The following MAP2K1 variants were observed in gnomAD, a reference collection of about 807,000 sequenced individuals.
MAP2K1 encodes the protein dual specificity mitogen-activated protein kinase kinase 1.
In MAP2K1, 16 loss-of-function variants were observed where a neutral mutation model predicts 46.3. The observed-to-expected ratio is 0.35, with a 90% CI of 0.23 to 0.52. The LOEUF is 0.52. MAP2K1 is among the 20% of genes least tolerant of loss of function. The pLI is 0.94. For synonymous variants in MAP2K1, 183 were observed against 185.6 expected (o/e 0.99, Z 0.11); for missense variants, 263 against 497.1 (o/e 0.53, Z 4.48).
chr15:66,464,425 C>T (rs1892409505), intron 5 of MAP2K1, among the ~76,000 whole-genome samples: 1 of 152,180 alleles, frequency 6.6e-6, no homozygotes. Flanking sequence ...TTGAAGTTGT[C>T]TAGCTTCGGT....
intron 1 of MAP2K1, among the ~76,000 whole-genome samples, chr15:66,428,403 G>A (rs1567006927): frequency 6.6e-6 from 1 of 151,370 alleles, no homozygotes; most frequent in Non-Finnish European, 1.5e-5. Context: ...AAATCTGCAG[G>A]GATAAGCCAG....
At chr15:66,432,959 AGTGTGTGTGTGTGTGT>A (rs1164509967) in intron 1 of MAP2K1, among the ~76,000 whole-genome samples, 27 of 131,902 alleles carry the variant, frequency 2.0e-4, no homozygotes, top group Non-Finnish European at 4.0e-4. Flanking sequence ...CATCATGCAC[AGTGTGTGTGTGTGTGT>A]GTGTGTGTGT....
rs991183872 is a variant in MAP2K1, at chr15:66,465,515, A to G, written c.569-16240A>G. ...CGATTAGGTCAGGGGTCAGTCTTTA[A>G]CTACCAGGCCCAGGGTGTGGCACCA... On this transcript the variant is annotated intron_variant, in intron 5 of 10. Coordinates refer to ENST00000307102, the MANE Select transcript of MAP2K1 (RefSeq NM_002755.4). Among the ~76,000 whole-genome samples the G allele has an allele frequency of 2.0e-5, 3 of 152,174 alleles. No individual in the cohort carries two copies. In the South Asian group the frequency reaches 6.2e-4, roughly 32 times the overall value.
intron 1 of MAP2K1, among the ~76,000 whole-genome samples, chr15:66,391,240 G>A (rs547194744): frequency 6.6e-6 from 1 of 152,064 alleles, no homozygotes; most frequent in African/African-American, 2.4e-5. Context: ...TTTCATTGGG[G>A]TGTTCTTAAT....
intron 1 of MAP2K1, among the ~76,000 whole-genome samples, chr15:66,431,480 TTAAAG>T (rs1468999480): frequency 1.3e-5 from 2 of 152,124 alleles, no homozygotes; most frequent in Non-Finnish European, 2.9e-5. Context: ...TTAAGAATAA[TTAAAG>T]GAAAGGCAGT....
intron 1 of MAP2K1, among the ~76,000 whole-genome samples, chr15:66,395,068 A>G (rs2093364418): frequency 6.6e-6 from 1 of 152,222 alleles, no homozygotes; most frequent in Non-Finnish European, 1.5e-5. Flanking sequence ...AAGGAAGAAG[A>G]TACTGTGGTA....
chr15:66,467,197 G>C (rs898308369), intron 5 of MAP2K1, among the ~76,000 whole-genome samples: 1 of 152,042 alleles, frequency 6.6e-6, no homozygotes. Flanking sequence ...TTGTGTCATT[G>C]CATTCCAGCC....
intron 8 of MAP2K1, 54 bp from the exon 9 acceptor site, chr15:66,489,161 A>G: frequency 7.1e-7 from 1 of 1,409,140 alleles, no homozygotes; most frequent in South Asian, 1.2e-5. Flanking sequence ...TGGGGAGAGG[A>G]GATGGCTGGA....
intron 1 of MAP2K1, among the ~76,000 whole-genome samples, chr15:66,411,967 T>A (rs929709585): frequency 6.6e-6 from 1 of 152,222 alleles, no homozygotes; most frequent in Non-Finnish European, 1.5e-5. Flanking sequence ...AATAGAGGGC[T>A]CCAGACCCTC....
chr15:66,443,596 C>T (rs1343703076), intron 4 of MAP2K1, among the ~76,000 whole-genome samples: 1 of 152,000 alleles, frequency 6.6e-6, no homozygotes, highest in African/African-American at 2.4e-5. Context: ...ACGGGCCAGG[C>T]ACAGTGGCTC....
chr15:66,484,941 A>G, intron 6 of MAP2K1, 49 bp from the exon 7 acceptor site: 1 of 1,487,532 alleles, frequency 6.7e-7, no homozygotes, highest in Non-Finnish European at 9.4e-7. Context: ...TAGCAGACCC[A>G]GGGGTCCAAG....
At chr15:66,418,607 C>T (rs1010607648) in intron 1 of MAP2K1, among the ~76,000 whole-genome samples, 1 of 152,148 alleles carries the variant, frequency 6.6e-6, no homozygotes, top group Non-Finnish European at 1.5e-5. Flanking sequence ...CAGCCAGCCC[C>T]ACTGTTTAGT....
At position 66,435,257 on chromosome 15, in the gene MAP2K1, C is replaced by CCAATCACCA. The variant is rs761820718; in HGVS notation, c.291+20_291+21insCAATCACCA. ...AGAAAGGTGAGTTTGCCTTGATTAACAGGTAATTGGATTATTTCTCAGGGT... is the reference window on the plus strand; with the variant it reads ...AGAAAGGTGAGTTTGCCTTGATTAACCAATCACCAAGGTAATTGGATTATTTCTCAGGGT... On this transcript the variant is annotated intron_variant, in intron 2 of 10. Transcript: ENST00000307102. 330 of 1,602,174 alleles carry CCAATCACCA rather than the reference C, an allele frequency of 2.1e-4. 1 individual carries two copies. The highest frequency in any genetic ancestry group is 3.4e-5 in the Non-Finnish European group (40 of 1,169,230).
chr15:66,410,912 C>T (rs2093409789), intron 1 of MAP2K1, among the ~76,000 whole-genome samples: 2 of 152,130 alleles, frequency 1.3e-5, no homozygotes, highest in African/African-American at 2.4e-5. Flanking sequence ...AGAGTTCAGC[C>T]TTGATGTCCC....
intron 5 of MAP2K1, chr15:66,446,723 G>T: frequency 5.7e-6 from 2 of 350,614 alleles, no homozygotes; most frequent in South Asian, 5.0e-5. Flanking sequence ...TGCTCCCATT[G>T]GTTCCGGATA....
intron 5 of MAP2K1, among the ~76,000 whole-genome samples, chr15:66,476,164 T>G (rs1892750577): frequency 1.3e-5 from 2 of 152,242 alleles, no homozygotes; most frequent in Middle Eastern, 3.4e-3. Flanking sequence ...CAGCCTCCTG[T>G]GGGATTCCTA....
intron 1 of MAP2K1, among the ~76,000 whole-genome samples, chr15:66,424,816 C>CTTT (rs2093453202): frequency 4.8e-5 from 6 of 123,860 alleles, no homozygotes; most frequent in Non-Finnish European, 4.9e-5. Flanking sequence ...TTTTTTTTTG[C>CTTT]GATGGAATTT....
intron 1 of MAP2K1, among the ~76,000 whole-genome samples, chr15:66,422,659 C>G (rs1230889949): frequency 6.6e-6 from 1 of 152,118 alleles, no homozygotes; most frequent in Non-Finnish European, 1.5e-5. Context: ...GACTTTTTAT[C>G]TCTGGTTTTT....
intron 3 of MAP2K1, among the ~76,000 whole-genome samples, chr15:66,439,711 A>C (rs2093498314): frequency 6.6e-6 from 1 of 152,120 alleles, no homozygotes; most frequent in Admixed American, 6.5e-5. Context: ...GGTTGTGGTG[A>C]GCTGAGATTG....
Sources: allele counts gnomAD v4.1 joint callset (sites outside exome capture counted in the v4.1 genomes callset), GRCh38; gene constraint gnomAD v4.1.1; transcripts MANE v1.5; gene names NCBI Gene and HGNC (gene_info 2026-07-23, HGNC 2026-07-21).